The following ERC1 variants were observed in gnomAD, a reference collection of about 807,000 sequenced individuals.
The protein encoded by ERC1 is ELKS/RAB6-interacting/CAST family member 1.
In ERC1, 56 loss-of-function variants were observed where a neutral mutation model predicts 132.0. That is an observed-to-expected ratio of 0.42 (90% CI 0.34 to 0.53). The LOEUF (loss-of-function observed/expected upper bound fraction) is 0.53. Among genes scored for constraint, ERC1 ranks in the 20% least tolerant of loss-of-function variants. ERC1 has a pLI of 0.03. For synonymous variants in ERC1, 478 were observed against 476.1 expected (o/e 1.00, Z -0.05); for missense variants, 1,202 against 1,349.9 (o/e 0.89, Z 1.72).
At position 1,266,391 on chromosome 12, in the gene ERC1, C is replaced by CTTTTTTTTTTTTTTTT; in HGVS notation, c.2619+3242_2619+3257dup. 9.3e-5 allele frequency among the ~76,000 whole-genome samples: 4 copies of CTTTTTTTTTTTTTTTT among 43,016 alleles called. 2 individuals carry two copies. Among genetic ancestry groups the CTTTTTTTTTTTTTTTT allele is most frequent in the Non-Finnish European group, 1.6e-4 (4 of 24,808 alleles). The allele number at this position is 43,016 out of a possible 152,430, so 28.2% of individuals were successfully genotyped here. The stretch of plus-strand genomic sequence containing the variant: ...TATTATTATTTTTATCGTTTCCTGT[C>CTTTTTTTTTTTTTTTT]TTTTTTTTTTTTTTTTTTTTTTTTT... On this transcript the variant is annotated intron_variant, in intron 14 of 18. Transcript: ENST00000360905.
intron 15 of ERC1, among the ~76,000 whole-genome samples, chr12:1,314,929 T>C (rs538045420): frequency 6.6e-6 from 1 of 152,354 alleles, no homozygotes; most frequent in East Asian, 1.9e-4. Context: ...AGAAGTAGTT[T>C]TCTAACTATG....
At chr12:1,263,735 G>A (rs2077289436) in intron 14 of ERC1, among the ~76,000 whole-genome samples, 1 of 151,768 alleles carries the variant, frequency 6.6e-6, no homozygotes, top group Admixed American at 6.6e-5. Flanking sequence ...TGTCCCCCAG[G>A]CTGGAGTGCG....
chr12:1,216,141 G>A (rs888433108), intron 12 of ERC1, among the ~76,000 whole-genome samples: 11 of 151,632 alleles, frequency 7.3e-5, no homozygotes, highest in African/African-American at 2.2e-4. Context: ...TCCTCTAGGC[G>A]CATCCTTTAA....
intron 14 of ERC1, among the ~76,000 whole-genome samples, chr12:1,284,998 CT>C (rs1224649624): frequency 6.6e-6 from 1 of 152,134 alleles, no homozygotes; most frequent in African/African-American, 2.4e-5. Flanking sequence ...TAACTTTTGG[CT>C]TTATTTTTAT....
intron 14 of ERC1, among the ~76,000 whole-genome samples, chr12:1,273,583 C>T (rs1359631744): frequency 1.3e-5 from 2 of 152,138 alleles, no homozygotes; most frequent in East Asian, 1.9e-4. Flanking sequence ...CCTCTAGCCA[C>T]GTTTCTGTTG....
intron 16 of ERC1, among the ~76,000 whole-genome samples, chr12:1,402,916 A>AT (rs140236366): frequency 0.067 from 10,235 of 152,126 alleles, 1,183 homozygotes; most frequent in African/African-American, 0.23. Flanking sequence ...GAACTCTCAG[A>AT]TTTTTTTTAT....
intron 15 of ERC1, among the ~76,000 whole-genome samples, chr12:1,340,814 C>T (rs1310785034): frequency 2.0e-5 from 3 of 151,952 alleles, no homozygotes; most frequent in African/African-American, 7.3e-5. Flanking sequence ...TGCCGAGGCT[C>T]GTTTCCAATT....
At chr12:1,267,738 G>C (rs1467073776) in intron 14 of ERC1, among the ~76,000 whole-genome samples, 3 of 152,132 alleles carry the variant, frequency 2.0e-5, no homozygotes, top group Non-Finnish European at 4.4e-5. Context: ...TCCCAGTCTG[G>C]GCAACAGAGT....
At chr12:1,032,186 G>A (rs556971743) in intron 2 of ERC1, among the ~76,000 whole-genome samples, 24 of 151,862 alleles carry the variant, frequency 1.6e-4, no homozygotes, top group Non-Finnish European at 2.9e-4. Context: ...TTAGTAGCTG[G>A]GATTACAGGT....
At chr12:1,260,825 A>C (rs1191129474) in intron 13 of ERC1, among the ~76,000 whole-genome samples, 1 of 152,220 alleles carries the variant, frequency 6.6e-6, no homozygotes, top group Non-Finnish European at 1.5e-5. Flanking sequence ...TATGTGACTT[A>C]TAATATCACG....
chr12:1,196,959 CACATATATAT>C (rs1392903720), intron 12 of ERC1, among the ~76,000 whole-genome samples: 2 of 19,026 alleles, frequency 1.1e-4, no homozygotes, highest in South Asian at 1.2e-3. Flanking sequence ...CACACACACA[CACATATATAT>C]ATATATATTT....
chr12:1,132,585 A>T (rs1039605655), intron 7 of ERC1, among the ~76,000 whole-genome samples: 1 of 152,180 alleles, frequency 6.6e-6, no homozygotes, highest in African/African-American at 2.4e-5. Flanking sequence ...GGTGCCTTTC[A>T]TAAAGAGGCA....
chr12:1,201,064 A>C (rs895551665), intron 12 of ERC1, among the ~76,000 whole-genome samples: 16 of 152,222 alleles, frequency 1.1e-4, no homozygotes, highest in Non-Finnish European at 1.9e-4. Flanking sequence ...ATGTAAGTAC[A>C]TTCATCTGCC....
At chr12:1,459,999 TAATG>T (rs972849147) in intron 18 of ERC1, among the ~76,000 whole-genome samples, 3 of 152,216 alleles carry the variant, frequency 2.0e-5, no homozygotes, top group African/African-American at 7.2e-5. Flanking sequence ...GAGAATTAAT[TAATG>T]AATGATATGA....
chr12:1,073,155 CT>C (rs1457876321), intron 2 of ERC1, among the ~76,000 whole-genome samples: 1 of 152,028 alleles, frequency 6.6e-6, no homozygotes, highest in Non-Finnish European at 1.5e-5. Flanking sequence ...CAAAAATTAG[CT>C]AGGCATGGTG....
chr12:1,018,448 C>CA (rs1243077039), intron 1 of ERC1, among the ~76,000 whole-genome samples: 1 of 152,210 alleles, frequency 6.6e-6, no homozygotes, highest in Non-Finnish European at 1.5e-5. Context: ...CTCCTGACCT[C>CA]AAGTGATCCG....
intron 15 of ERC1, among the ~76,000 whole-genome samples, chr12:1,357,517 G>T (rs951119210): frequency 6.6e-6 from 1 of 152,194 alleles, no homozygotes; most frequent in Non-Finnish European, 1.5e-5. Context: ...GAGAGACAAT[G>T]TAAGAAGACT....
At chr12:1,414,533 G>A (rs2092014776) in intron 17 of ERC1, among the ~76,000 whole-genome samples, 1 of 152,194 alleles carries the variant, frequency 6.6e-6, no homozygotes, top group African/African-American at 2.4e-5. Context: ...TGATAGCAAT[G>A]ACGTTGCTGA....
At chr12:1,411,906 G>A (rs896238357) in intron 17 of ERC1, among the ~76,000 whole-genome samples, 8 of 152,164 alleles carry the variant, frequency 5.3e-5, no homozygotes, top group Non-Finnish European at 8.8e-5. Context: ...TAGAAAGTAA[G>A]CAAATCAGTA....
Sources: allele counts gnomAD v4.1 joint callset (sites outside exome capture counted in the v4.1 genomes callset), GRCh38; gene constraint gnomAD v4.1.1; transcripts MANE v1.5; gene names NCBI Gene and HGNC (gene_info 2026-07-23, HGNC 2026-07-21).